Variants in CACNA2D3 observed in about 807,000 individuals in gnomAD.
CACNA2D3 encodes the protein voltage-dependent calcium channel subunit alpha-2/delta-3.
CACNA2D3 carries 60 observed loss-of-function variants against 160.6 expected under a neutral mutation model. The observed-to-expected ratio is 0.37, with a 90% CI of 0.30 to 0.46. CACNA2D3 has a LOEUF of 0.46. Ranked by LOEUF, CACNA2D3 falls within the 20% of genes least tolerant of loss-of-function variation. CACNA2D3 has a pLI of 1.00. For missense variants in CACNA2D3, 1,205 were observed against 1,365.0 expected (o/e 0.88, Z 1.85); for synonymous variants, 558 against 492.9 (o/e 1.13, Z -1.75).
At chr3:54,740,944 G>A (rs1445734287) in intron 11 of CACNA2D3, among the ~76,000 whole-genome samples, 1 of 152,200 alleles carries the variant, frequency 6.6e-6, no homozygotes, top group African/African-American at 2.4e-5. Context: ...CTTCTGCAGG[G>A]TGGTACGAGA....
intron 2 of CACNA2D3, among the ~76,000 whole-genome samples, chr3:54,290,292 A>G (rs535103164): frequency 6.6e-6 from 1 of 152,376 alleles, no homozygotes; most frequent in Non-Finnish European, 1.5e-5. Context: ...TATGCAGCCA[A>G]AAAGCACATG....
rs757098946 is a variant in CACNA2D3 at position 54,880,876 on chromosome 3, C to T, written c.1912+13C>T. On this transcript the variant is annotated intron_variant, in intron 21 of 37. Coordinates refer to ENST00000474759, the MANE Select transcript of CACNA2D3 (RefSeq NM_018398.3). ...ACCATCGAAGAAGGTAAGATACTGC[C>T]TGGCTCGTCTTATCCTTTGGTGTGG... 8 of 1,611,020 alleles carry T rather than the reference C, an allele frequency of 5.0e-6. 1 individual carries two copies. In the South Asian group the frequency reaches 6.6e-5, roughly 13 times the overall value.
At position 55,073,773 on chromosome 3, in the gene CACNA2D3, C is replaced by G; in HGVS notation, c.3101-4C>G. 2 of 1,611,454 alleles carry G rather than the reference C, an allele frequency of 1.2e-6. No individual in the cohort carries two copies. Among genetic ancestry groups the G allele is most frequent in the Non-Finnish European group, 1.7e-6 (2 of 1,177,958 alleles). Reference sequence around the variant, plus strand: ...CTTGGAAACATGCCTTAACTACAGTCAACATAATGAATCCCTTAAGTGTGA... The same window carrying G: ...CTTGGAAACATGCCTTAACTACAGTGAACATAATGAATCCCTTAAGTGTGA... On this transcript the variant is annotated splice_region_variant and splice_polypyrimidine_tract_variant and intron_variant, in intron 36 of 37. Transcript: ENST00000474759.
intron 5 of CACNA2D3, among the ~76,000 whole-genome samples, chr3:54,513,024 G>A (rs563643877): frequency 6.6e-6 from 1 of 152,190 alleles, no homozygotes; most frequent in East Asian, 1.9e-4. Flanking sequence ...ACTATCATGA[G>A]AACAGCATGG....
At chr3:54,692,502 T>C (rs576405281) in intron 11 of CACNA2D3, among the ~76,000 whole-genome samples, 3 of 152,394 alleles carry the variant, frequency 2.0e-5, no homozygotes, top group Admixed American at 1.3e-4. Flanking sequence ...AGCTCTGGGC[T>C]GACATGCTCC....
chr3:54,641,040 T>TG (rs1369598411), intron 10 of CACNA2D3, among the ~76,000 whole-genome samples: 1 of 146,544 alleles, frequency 6.8e-6, no homozygotes. Flanking sequence ...TTGGATCTAT[T>TG]GGAAAAAAAA....
chr3:54,894,463 T>C (rs144336566), intron 25 of CACNA2D3: 297 of 432,390 alleles, frequency 6.9e-4, no homozygotes, highest in African/African-American at 5.5e-3. Flanking sequence ...AAAGCCTGAA[T>C]GTCACTGCCT....
intron 3 of CACNA2D3, among the ~76,000 whole-genome samples, chr3:54,384,231 G>A (rs575106812): frequency 4.0e-5 from 6 of 151,824 alleles, no homozygotes; most frequent in Admixed American, 2.6e-4. Flanking sequence ...TTCTCAGTGC[G>A]TAGACACCAT....
At chr3:54,603,850 C>G (rs1410110320) in intron 9 of CACNA2D3, among the ~76,000 whole-genome samples, 1 of 151,940 alleles carries the variant, frequency 6.6e-6, no homozygotes, top group Non-Finnish European at 1.5e-5. Flanking sequence ...ATCTGCAAGG[C>G]CATCATTTTA....
chr3:54,468,982 G>C (rs1005351936), intron 4 of CACNA2D3, among the ~76,000 whole-genome samples: 1 of 152,156 alleles, frequency 6.6e-6, no homozygotes, highest in Non-Finnish European at 1.5e-5. Flanking sequence ...TGGGGGATGG[G>C]GTGGCTGTGG....
At chr3:54,694,844 GA>G (rs1173920883) in intron 11 of CACNA2D3, among the ~76,000 whole-genome samples, 1 of 152,088 alleles carries the variant, frequency 6.6e-6, no homozygotes, top group South Asian at 2.1e-4. Flanking sequence ...AATATAAGGA[GA>G]AAAATAAGGT....
chr3:54,742,764 T>A (rs1376498663), intron 11 of CACNA2D3, among the ~76,000 whole-genome samples: 1 of 152,232 alleles, frequency 6.6e-6, no homozygotes, highest in Non-Finnish European at 1.5e-5. Context: ...TTTGCATGGC[T>A]TCCATCTAGA....
At chr3:54,687,121 C>CTTTTTCTTTTTTTTTTTTTTTTTTTTTT in intron 11 of CACNA2D3, among the ~76,000 whole-genome samples, 1 of 94,932 alleles carries the variant, frequency 1.1e-5, no homozygotes, top group Non-Finnish European at 2.1e-5. Context: ...TTTTCTTTTT[C>CTTTTTCTTTTTTTTTTTTTTTTTTTTTT]TTTTTTTTTT....
chr3:54,639,089 G>C (rs1457267023), intron 10 of CACNA2D3: 1 of 151,906 alleles, frequency 6.6e-6, no homozygotes, highest in African/African-American at 2.4e-5. Context: ...TAAGAGATTG[G>C]GGCGTGGAAA....
At position 54,298,353 on chromosome 3, in the gene CACNA2D3, C is replaced by T. The variant is rs867559130; in HGVS notation, c.205-22089C>T. Among the ~76,000 whole-genome samples, 9 of 152,196 alleles carry T rather than the reference C, an allele frequency of 5.9e-5. 1 individual carries two copies. In the South Asian group the frequency reaches 1.5e-3, roughly 25 times the overall value. On this transcript the variant is annotated intron_variant, in intron 2 of 37. Transcript: ENST00000474759. ...TCTAGCACTCACACAGGGCATGTGCCGGGTTACGAGAAATAATTTTGAACA... is the reference window on the plus strand; with the variant it reads ...TCTAGCACTCACACAGGGCATGTGCTGGGTTACGAGAAATAATTTTGAACA...
chr3:54,149,932 C>CTCTTT (rs1559863353), intron 2 of CACNA2D3, among the ~76,000 whole-genome samples: 1 of 23,814 alleles, frequency 4.2e-5, no homozygotes, highest in African/African-American at 2.0e-4. Flanking sequence ...TCTCTCTCTC[C>CTCTTT]CTCCCTCCCT....
intron 2 of CACNA2D3, among the ~76,000 whole-genome samples, chr3:54,233,519 T>G (rs1701817996): frequency 6.6e-6 from 1 of 152,212 alleles, no homozygotes; most frequent in Non-Finnish European, 1.5e-5. Context: ...CCCTACCTTT[T>G]TGGCTTCTGT....
intron 16 of CACNA2D3, among the ~76,000 whole-genome samples, chr3:54,839,119 G>T (rs564458218): frequency 6.6e-6 from 1 of 152,122 alleles, no homozygotes; most frequent in Non-Finnish European, 1.5e-5. Context: ...TTAGCCGGTC[G>T]TGATGGCAGG....
At chr3:54,966,356 A>G (rs1025936450) in intron 27 of CACNA2D3, among the ~76,000 whole-genome samples, 7 of 152,170 alleles carry the variant, frequency 4.6e-5, no homozygotes, top group Non-Finnish European at 1.0e-4. Flanking sequence ...ATCAGACTCA[A>G]AATCAGCTTC....
Sources: allele counts gnomAD v4.1 joint callset (sites outside exome capture counted in the v4.1 genomes callset), GRCh38; gene constraint gnomAD v4.1.1; transcripts MANE v1.5; gene names NCBI Gene and HGNC (gene_info 2026-07-23, HGNC 2026-07-21).